The following PELI2 variants were observed in gnomAD, a reference collection of about 807,000 sequenced individuals.
PELI2 encodes pellino E3 ubiquitin protein ligase family member 2.
PELI2 carries 23 observed loss-of-function variants against 42.3 expected under a neutral mutation model. The ratio of observed to expected loss-of-function variants is 0.54; its 90% CI spans 0.39 to 0.77. PELI2 has a LOEUF of 0.77. Among genes scored for constraint, PELI2 ranks in the 30% least tolerant of loss-of-function variants. PELI2 has a pLI of 0.00. For missense variants in PELI2, 463 were observed against 553.2 expected, an observed-to-expected ratio of 0.84 and a Z score of 1.64; for synonymous variants, 245 against 212.2, an observed-to-expected ratio of 1.15 and a Z score of -1.34.
chr14:56,251,429 G>T (rs1358473141), intron 2 of PELI2, among the ~76,000 whole-genome samples: 2 of 152,244 alleles, frequency 1.3e-5, no homozygotes, highest in African/African-American at 4.8e-5. Context: ...TTACAGTCAA[G>T]TGTTCTAGTA....
chr14:56,248,146 A>G (rs542347958), intron 2 of PELI2, among the ~76,000 whole-genome samples: 1 of 152,356 alleles, frequency 6.6e-6, no homozygotes, highest in African/African-American at 2.4e-5. Context: ...GGGTTGATTT[A>G]AACCATTAAA....
chr14:56,271,817 T>G (rs1555352829), intron 2 of PELI2, among the ~76,000 whole-genome samples: 1 of 152,300 alleles, frequency 6.6e-6, no homozygotes, highest in South Asian at 2.1e-4. Context: ...AACCTCTGAC[T>G]TCTTCACAGA....
intron 2 of PELI2, among the ~76,000 whole-genome samples, chr14:56,224,155 C>T (rs1431308953): frequency 1.3e-5 from 2 of 152,132 alleles, no homozygotes; most frequent in Admixed American, 1.3e-4. Context: ...CAGAAATATC[C>T]AGAATAATGC....
At chr14:56,228,758 A>AGT (rs1191055008) in intron 2 of PELI2, among the ~76,000 whole-genome samples, 1 of 152,178 alleles carries the variant, frequency 6.6e-6, no homozygotes, top group African/African-American at 2.4e-5. Context: ...CTTGTTGGAC[A>AGT]GTGGGTGCAG....
chr14:56,187,587 G>A (rs1885812952), intron 2 of PELI2, among the ~76,000 whole-genome samples: 2 of 152,150 alleles, frequency 1.3e-5, no homozygotes, highest in Admixed American at 6.5e-5. Flanking sequence ...GAATGGTTGT[G>A]GCCTGTTTTG....
At chr14:56,154,172 GT>G (rs1409233352) in intron 1 of PELI2, among the ~76,000 whole-genome samples, 1 of 152,108 alleles carries the variant, frequency 6.6e-6, no homozygotes, top group African/African-American at 2.4e-5. Context: ...GTTTCAACAT[GT>G]TTAAGAGATG....
chr14:56,174,829 T>C (rs999471623), intron 1 of PELI2, among the ~76,000 whole-genome samples: 1 of 152,162 alleles, frequency 6.6e-6, no homozygotes, highest in Non-Finnish European at 1.5e-5. Flanking sequence ...AATGGACTAA[T>C]ACAACCAGGA....
chr14:56,287,138 T>C (rs749385973), intron 3 of PELI2, among the ~76,000 whole-genome samples: 12 of 152,196 alleles, frequency 7.9e-5, no homozygotes, highest in Non-Finnish European at 4.4e-5. Flanking sequence ...TCCATGGAGA[T>C]GGACAAATCT....
At chr14:56,128,352 G>A (rs528863953) in intron 1 of PELI2, among the ~76,000 whole-genome samples, 119 of 152,334 alleles carry the variant, frequency 7.8e-4, no homozygotes, top group Admixed American at 1.8e-3. Context: ...GCCAGGTTCC[G>A]TTAGGTGGTT....
At chr14:56,279,132 A>G (rs1469514388) in intron 2 of PELI2, among the ~76,000 whole-genome samples, 3 of 152,202 alleles carry the variant, frequency 2.0e-5, no homozygotes, top group Admixed American at 6.5e-5. Context: ...TGCTTATACA[A>G]GATTTAAGTG....
intron 2 of PELI2, among the ~76,000 whole-genome samples, chr14:56,186,695 A>C (rs1181693135): frequency 1.3e-5 from 2 of 152,202 alleles, no homozygotes; most frequent in African/African-American, 4.8e-5. Flanking sequence ...AGAGCAGGAA[A>C]GCTTGACTCT....
intron 1 of PELI2, among the ~76,000 whole-genome samples, chr14:56,171,575 T>A (rs943966235): frequency 6.6e-6 from 1 of 152,226 alleles, no homozygotes; most frequent in Non-Finnish European, 1.5e-5. Flanking sequence ...CCTGTTACAC[T>A]GTGCCAGGTG....
At chr14:56,250,244 T>G (rs181828846) in intron 2 of PELI2, among the ~76,000 whole-genome samples, 14 of 152,232 alleles carry the variant, frequency 9.2e-5, no homozygotes, top group Non-Finnish European at 2.1e-4. Flanking sequence ...TATTTGTTGA[T>G]GGGGGTGAGA....
intron 1 of PELI2, among the ~76,000 whole-genome samples, chr14:56,164,481 A>G (rs1426607055): frequency 6.6e-6 from 1 of 151,960 alleles, no homozygotes; most frequent in African/African-American, 2.4e-5. Flanking sequence ...TATTCACCAG[A>G]GATATTAGCC....
intron 2 of PELI2, among the ~76,000 whole-genome samples, chr14:56,227,322 T>C (rs973158656): frequency 2.0e-5 from 3 of 152,158 alleles, no homozygotes; most frequent in African/African-American, 7.2e-5. Context: ...TGAGCCCACT[T>C]AGAGTGAGGA....
chr14:56,224,217 T>G (rs1887258745), intron 2 of PELI2, among the ~76,000 whole-genome samples: 1 of 152,206 alleles, frequency 6.6e-6, no homozygotes, highest in Admixed American at 6.5e-5. Context: ...GTGTCCATCT[T>G]CAGTTATAGG....
At chr14:56,269,598 C>T (rs186231146) in intron 2 of PELI2, among the ~76,000 whole-genome samples, 10 of 152,206 alleles carry the variant, frequency 6.6e-5, no homozygotes, top group African/African-American at 2.4e-4. Context: ...AATTCTTAGA[C>T]AGCAGTGACC....
intron 1 of PELI2, among the ~76,000 whole-genome samples, chr14:56,129,202 T>A (rs1883390226): frequency 6.6e-6 from 1 of 152,196 alleles, no homozygotes; most frequent in Non-Finnish European, 1.5e-5. Flanking sequence ...GCCTTCTGAG[T>A]AGGTTAGTGA....
rs2139746700 is a variant in PELI2, at chr14:56,219,983, C to T, written c.207+41519C>T. Among the ~76,000 whole-genome samples, 1 of 152,274 alleles carries T rather than the reference C, an allele frequency of 6.6e-6. No homozygotes were observed. The highest frequency in any genetic ancestry group is 6.5e-5 in the Admixed American group (1 of 15,296). On this transcript the variant is annotated intron_variant, in intron 2 of 5. Transcript: ENST00000267460. The surrounding 1 kb of genome is among the most constrained non-coding windows in gnomAD (Gnocchi z 4.1). ...AACATTTTTTGTTGCTTTATTAATG[C>T]TTGCCCTGGGAATCATATCATAAAC...
Sources: gnomAD v4.1 joint callset for allele counts (sites outside exome capture counted in the v4.1 genomes callset) on GRCh38, gnomAD v4.1.1 for gene constraint, Gnocchi (gnomAD v3.1) non-coding constraint, MANE v1.5 for transcripts, NCBI Gene and HGNC (gene_info 2026-07-23, HGNC 2026-07-21) for gene names.